DCLK3: variants seen among roughly 807,000 people sequenced by gnomAD.
DCLK3 encodes the protein serine/threonine-protein kinase DCLK3.
In DCLK3, 30 loss-of-function variants were observed where a neutral mutation model predicts 46.4. The ratio of observed to expected loss-of-function variants is 0.65; its 90% CI spans 0.48 to 0.88. The LOEUF (loss-of-function observed/expected upper bound fraction) is 0.88, where lower values mean the gene tolerates loss of function less well. DCLK3 is among the 40% of genes least tolerant of loss of function. The probability of loss-of-function intolerance (pLI) is 0.00; values close to 1 mark genes in which losing one functional copy is unlikely to be tolerated. For missense variants in DCLK3, 846 were observed against 907.1 expected, an observed-to-expected ratio of 0.93 and a Z score of 0.87; for synonymous variants, 401 against 339.2, an observed-to-expected ratio of 1.18 and a Z score of -2.00.
intron 1 of DCLK3, among the ~76,000 whole-genome samples, chr3:36,745,595 C>T (rs1276300660): frequency 2.0e-5 from 3 of 152,212 alleles, no homozygotes; most frequent in Admixed American, 6.5e-5. Context: ...TCCTTTTTAT[C>T]AACTTTTTAT....
At position 36,714,691 on chromosome 3, in the gene DCLK3, T is replaced by G. The variant is rs1014236698; in HGVS notation, c.*637A>C. ...GGAGCAAGAATGATTCAATGGTTTG[T>G]TTTTTTTCTTTCCATGTCTCAGACT... On this transcript the variant is annotated 3_prime_UTR_variant, in exon 5 of 5. Transcript: ENST00000636136. 1.4e-5 allele frequency: 2 copies of G among 138,782 alleles called. No individual in the cohort carries two copies. Among genetic ancestry groups the G allele is most frequent in the South Asian group, 4.2e-4 (2 of 4,744 alleles). The allele number at this position is 138,782 out of a possible 1,614,324, so 8.6% of individuals were successfully genotyped here.
At position 36,724,592 on chromosome 3, in the gene DCLK3, T is replaced by C. The variant is rs2125523510; in HGVS notation, c.1960-2933A>G. Among the ~76,000 whole-genome samples, 2 of 152,230 alleles carry C rather than the reference T, an allele frequency of 1.3e-5. 1 individual carries two copies. Among genetic ancestry groups the C allele is most frequent in the South Asian group, 4.2e-4 (2 of 4,810 alleles). On this transcript the variant is annotated intron_variant, in intron 2 of 4. Transcript: ENST00000636136. ...CTGTTCTCATGATAGCGAATCAGTC[T>C]CACGAGATCTGACAGTTTCAAAAAT...
rs911654667 is a variant in DCLK3, at chr3:36,714,599, G to A, written c.*729C>T. 1 of 152,218 alleles carries A rather than the reference G, an allele frequency of 6.6e-6. No homozygotes were observed. The highest frequency in any genetic ancestry group is 2.4e-5 in the African/African-American group (1 of 41,458). 9.4% of individuals were successfully genotyped at this position (152,218 alleles called of 1,614,324 possible). ...TAACACGGTCACAGCCTGAGCGCCT[G>A]ACTTCACATAGAAATGACTCAGGCT... On this transcript the variant is annotated 3_prime_UTR_variant, in exon 5 of 5. Coordinates refer to ENST00000636136, the MANE Select transcript of DCLK3 (RefSeq NM_001394672.2).
chr3:36,756,850 G>C (rs1208655702), intron 1 of DCLK3, among the ~76,000 whole-genome samples: 2 of 151,908 alleles, frequency 1.3e-5, no homozygotes, highest in East Asian at 3.9e-4. Context: ...GTCTGGGGGT[G>C]ACAGGTATGC....
chr3:36,724,671 T>C (rs773821185), intron 2 of DCLK3, among the ~76,000 whole-genome samples: 2 of 152,140 alleles, frequency 1.3e-5, no homozygotes, highest in Non-Finnish European at 2.9e-5. Context: ...ATGTAAGATA[T>C]GACTTGCTCC....
intron 1 of DCLK3, among the ~76,000 whole-genome samples, chr3:36,739,557 C>T (rs1701321941): frequency 6.6e-6 from 1 of 152,222 alleles, no homozygotes; most frequent in African/African-American, 2.4e-5. Context: ...TCCTCATTCT[C>T]TCTTTGCCTG....
intron 1 of DCLK3, among the ~76,000 whole-genome samples, chr3:36,749,850 T>C (rs1701424180): frequency 6.6e-6 from 1 of 152,206 alleles, no homozygotes. Flanking sequence ...TTTTTTAAAA[T>C]ATATAGCCTT....
chr3:36,742,601 C>T (rs766844302), intron 1 of DCLK3, among the ~76,000 whole-genome samples: 14 of 152,220 alleles, frequency 9.2e-5, no homozygotes, highest in Non-Finnish European at 1.9e-4. Flanking sequence ...TAACTGGGTC[C>T]TACTGAAATT....
chr3:36,763,988 G>C (rs1266294100), intron 1 of DCLK3, among the ~76,000 whole-genome samples, 194 bp downstream of exon 1: 4 of 152,142 alleles, frequency 2.6e-5, no homozygotes, highest in Non-Finnish European at 4.4e-5. Flanking sequence ...ACGCGCGCGC[G>C]TTTACACACA....
chr3:36,747,445 T>C (rs75537689), intron 1 of DCLK3, among the ~76,000 whole-genome samples: 10,772 of 151,640 alleles, frequency 0.071, 479 homozygotes, highest in Non-Finnish European at 0.098. Flanking sequence ...AAGGTATATA[T>C]ATATATTTCT....
chr3:36,713,459 G>A lies in DCLK3; in HGVS notation c.*1869C>T, dbSNP rs142477074. Reference sequence around the variant, plus strand: ...GAATCCAGCTTCCAGCCTCTTTCACGTGTTCAGAATGAGTCCCATTACACT... The same window carrying A: ...GAATCCAGCTTCCAGCCTCTTTCACATGTTCAGAATGAGTCCCATTACACT... On this transcript the variant is annotated 3_prime_UTR_variant, in exon 5 of 5. Coordinates refer to ENST00000636136, the MANE Select transcript of DCLK3 (RefSeq NM_001394672.2). 5.7e-3 allele frequency: 874 copies of A among 152,274 alleles called. 5 individuals are homozygous for A. The Middle Eastern group carries it at 0.064, about 11-fold the overall frequency. 9.4% of individuals were successfully genotyped at this position (152,274 alleles called of 1,614,324 possible). A position where few individuals can be genotyped will look rare whatever the true frequency, so the allele number is the denominator to read the frequency against.
In DCLK3 at chr3:36,751,063, T is replaced by TAAAAAA. The variant is rs5847933; in HGVS notation, c.83-11985_83-11980dup. On this transcript the variant is annotated intron_variant, in intron 1 of 4. Coordinates refer to ENST00000636136, the MANE Select transcript of DCLK3 (RefSeq NM_001394672.2). ...TGATATCCCTGTAGACGGGATGATC[T>TAAAAAA]AAAAAAAAAAAAAAAAAAAAAAACT... 2.4e-3 allele frequency among the ~76,000 whole-genome samples: 186 copies of TAAAAAA among 76,466 alleles called. 18 individuals carry two copies. Among genetic ancestry groups the TAAAAAA allele is most frequent in the African/African-American group, 8.0e-3 (143 of 17,828 alleles). The allele number at this position is 76,466 out of a possible 152,430, so 50.2% of individuals were successfully genotyped here. A position where few individuals can be genotyped will look rare whatever the true frequency, so the allele number is the denominator to read the frequency against.
rs909452603 is a variant in DCLK3 at position 36,724,239 on chromosome 3, C to A, written c.1960-2580G>T. On this transcript the variant is annotated intron_variant, in intron 2 of 4. Coordinates refer to ENST00000636136, the MANE Select transcript of DCLK3 (RefSeq NM_001394672.2). The stretch of plus-strand genomic sequence containing the variant: ...TGGCTGTATTTACCCAACACCTGTA[C>A]CCCGACTGTATCTAGGAAGTAACTA... Among the ~76,000 whole-genome samples the A allele has an allele frequency of 2.6e-5, 4 of 152,180 alleles. No individual in the cohort carries two copies. The South Asian group carries it at 8.3e-4, about 31-fold the overall frequency.
At chr3:36,743,273 CA>C (rs11391557) in intron 1 of DCLK3, among the ~76,000 whole-genome samples, 73 of 117,906 alleles carry the variant, frequency 6.2e-4, no homozygotes, top group African/African-American at 1.8e-3. Context: ...TCCCAAAATC[CA>C]AAAAAAAAAA....
At chr3:36,729,369 G>T (rs1158570101) in intron 2 of DCLK3, among the ~76,000 whole-genome samples, 1 of 152,082 alleles carries the variant, frequency 6.6e-6, no homozygotes, top group Non-Finnish European at 1.5e-5. Flanking sequence ...TCTTGCTGGG[G>T]CTCATTTTCG....
chr3:36,742,370 G>A (rs1324817645), intron 1 of DCLK3, among the ~76,000 whole-genome samples: 3 of 152,270 alleles, frequency 2.0e-5, no homozygotes, highest in South Asian at 4.2e-4. Flanking sequence ...TAGTGGTTAG[G>A]AGAACAATCT....
rs770106898 is a variant in DCLK3, at chr3:36,738,182, C to T, written c.985G>A (p.Gly329Arg). Residue 329 changes from glycine (G) to arginine (R), a missense_variant, in exon 2 of 5, where the codon GGG becomes AGG. Around this residue, in one of 3 missense-constraint regions of DCLK3, gnomAD observed 553 missense variants for 543.0 expected, o/e 1.02. Transcript: ENST00000636136. Reference sequence around the variant, plus strand: ...TTCCCCATATCCAGCTCACTGGTCCCCAGAGAAAGCCTCTCACGCTCCAGG... The same window carrying T: ...TTCCCCATATCCAGCTCACTGGTCCTCAGAGAAAGCCTCTCACGCTCCAGG... ...QSLERERLSL[G>R]TSELDMGKGP... 5.6e-6 allele frequency: 9 copies of T among 1,613,702 alleles called. No homozygotes were observed. Among genetic ancestry groups the T allele is most frequent in the African/African-American group, 1.3e-5 (1 of 74,910 alleles).
At chr3:36,728,250 G>A (rs938576718) in intron 2 of DCLK3, among the ~76,000 whole-genome samples, 14 of 152,142 alleles carry the variant, frequency 9.2e-5, no homozygotes, top group African/African-American at 1.2e-4. Context: ...AGCAAGTATC[G>A]TGATCCCCAG....
chr3:36,734,714 T>C (rs1701239125), intron 2 of DCLK3, among the ~76,000 whole-genome samples: 1 of 152,064 alleles, frequency 6.6e-6, no homozygotes, highest in Admixed American at 6.6e-5. Context: ...CCTCTCTTTC[T>C]CTCTCTGTCT....
Sources: allele counts gnomAD v4.1 joint callset (sites outside exome capture counted in the v4.1 genomes callset), GRCh38; gene constraint gnomAD v4.1.1; regional missense constraint gnomAD v4.1.1; transcripts MANE v1.5; gene names NCBI Gene and HGNC (gene_info 2026-07-23, HGNC 2026-07-21).